The following NFIB variants were observed in gnomAD, a reference collection of about 807,000 sequenced individuals.
NFIB encodes nuclear factor 1 B-type.
In NFIB, 11 loss-of-function variants were observed where a neutral mutation model predicts 61.5. The ratio of observed to expected loss-of-function variants is 0.18; its 90% CI spans 0.11 to 0.30. The LOEUF (loss-of-function observed/expected upper bound fraction) is 0.30, where lower values mean the gene tolerates loss of function less well. NFIB is among the 10% of genes least tolerant of loss of function. The probability of loss-of-function intolerance (pLI) is 1.00; values close to 1 mark genes in which losing one functional copy is unlikely to be tolerated. For missense variants in NFIB, 471 were observed against 608.9 expected, an observed-to-expected ratio of 0.77 and a Z score of 2.38; for synonymous variants, 260 against 216.5, an observed-to-expected ratio of 1.20 and a Z score of -1.76.
At chr9:14,487,762 G>A in the NFIB span, among the ~76,000 whole-genome samples, 3 of 152,220 alleles carry the variant, frequency 2.0e-5, no homozygotes, top group Non-Finnish European at 4.4e-5. Flanking sequence ...CTAATCATTA[G>A]TTCTTGCAAA....
At chr9:14,224,663 G>A (rs533707065) in intron 2 of NFIB, among the ~76,000 whole-genome samples, 5 of 152,232 alleles carry the variant, frequency 3.3e-5, no homozygotes, top group Non-Finnish European at 5.9e-5. Context: ...ATGGGAGGAT[G>A]TGCACAGGTT....
the NFIB span, among the ~76,000 whole-genome samples, chr9:14,467,785 T>C: frequency 6.6e-6 from 1 of 152,244 alleles, no homozygotes; most frequent in Admixed American, 6.5e-5. Flanking sequence ...GTGGAGCCCT[T>C]GCAGGAGGCC....
At chr9:14,233,502 A>G (rs1391910117) in intron 2 of NFIB, among the ~76,000 whole-genome samples, 1 of 140,038 alleles carries the variant, frequency 7.1e-6, no homozygotes, top group Non-Finnish European at 1.5e-5. Flanking sequence ...ATCTCGGCTC[A>G]CTGCAACCTC....
intron 1 of NFIB, among the ~76,000 whole-genome samples, chr9:14,312,230 C>T (rs764499256): frequency 1.2e-4 from 18 of 152,162 alleles, no homozygotes; most frequent in Non-Finnish European, 2.2e-4. Context: ...TTTATGAATG[C>T]CTCAGTCCTT....
intron 2 of NFIB, among the ~76,000 whole-genome samples, chr9:14,297,667 A>G (rs996866721): frequency 6.6e-6 from 1 of 152,248 alleles, no homozygotes; most frequent in South Asian, 2.1e-4. Flanking sequence ...ATCTACACAC[A>G]TGTATAAACA....
intron 2 of NFIB, among the ~76,000 whole-genome samples, chr9:14,215,868 C>T (rs755174750): frequency 2.6e-5 from 4 of 152,168 alleles, no homozygotes; most frequent in Non-Finnish European, 5.9e-5. Context: ...CTCCAAGCTT[C>T]TTTCATCATC....
upstream of NFIB, among the ~76,000 whole-genome samples, chr9:14,316,314 T>C (rs1408299265): frequency 1.3e-5 from 2 of 152,162 alleles, no homozygotes; most frequent in African/African-American, 2.4e-5. Flanking sequence ...GCAGCCCCCG[T>C]AAACCCAGAG....
chr9:14,364,330 G>C (rs1016232642), intron 1 of NFIB, among the ~76,000 whole-genome samples: 2 of 152,196 alleles, frequency 1.3e-5, no homozygotes, highest in African/African-American at 4.8e-5. Context: ...CCAACGAAGA[G>C]ATCAAAAGTC....
the NFIB span, among the ~76,000 whole-genome samples, chr9:14,509,333 A>T: frequency 7.8e-4 from 119 of 152,336 alleles, 1 homozygote; most frequent in Middle Eastern, 6.8e-3. Flanking sequence ...ATCTTTCTCC[A>T]CACACTTTCC....
chr9:14,489,387 G>A, the NFIB span, among the ~76,000 whole-genome samples: 5 of 152,110 alleles, frequency 3.3e-5, no homozygotes, highest in African/African-American at 9.7e-5. Context: ...TCCCTATCAC[G>A]TACCATCTTA....
intron 2 of NFIB, among the ~76,000 whole-genome samples, chr9:14,228,563 G>C (rs929077365): frequency 6.6e-6 from 1 of 152,128 alleles, no homozygotes; most frequent in Admixed American, 6.5e-5. Context: ...CTCCATTTTA[G>C]TGGTCAAAAC....
At chr9:14,168,073 A>C (rs73411973) in intron 3 of NFIB, among the ~76,000 whole-genome samples, 2,407 of 152,358 alleles carry the variant, frequency 0.016, 60 homozygotes, top group African/African-American at 0.053. Context: ...AGGATGTGGT[A>C]TACCTACAGG....
intron 1 of NFIB, among the ~76,000 whole-genome samples, chr9:14,339,696 C>G (rs2060927833): frequency 6.6e-6 from 1 of 152,216 alleles, no homozygotes; most frequent in African/African-American, 2.4e-5. Context: ...ATTTATCCAA[C>G]TGGATAAACT....
At chr9:14,359,099 C>T (rs546826209) in intron 1 of NFIB, among the ~76,000 whole-genome samples, 1 of 152,182 alleles carries the variant, frequency 6.6e-6, no homozygotes, top group Non-Finnish European at 1.5e-5. Flanking sequence ...GTTTACACTA[C>T]AGAACTGGGC....
At chr9:14,419,149 C>A in the NFIB span, among the ~76,000 whole-genome samples, 5 of 151,674 alleles carry the variant, frequency 3.3e-5, no homozygotes, top group East Asian at 9.7e-4. Context: ...TAAAGTGGGA[C>A]TGGGGAGCTC....
chr9:14,214,142 G>C (rs557059252), intron 2 of NFIB, among the ~76,000 whole-genome samples: 35 of 152,044 alleles, frequency 2.3e-4, no homozygotes, highest in Non-Finnish European at 4.9e-4. Flanking sequence ...CTGAAGAAGC[G>C]ACAGAGATAA....
intron 2 of NFIB, among the ~76,000 whole-genome samples, chr9:14,225,162 G>C (rs62532556): frequency 3.3e-5 from 5 of 151,890 alleles, no homozygotes; most frequent in Non-Finnish European, 5.9e-5. Context: ...AGAACAGAAG[G>C]TATTATTTAG....
At chr9:14,192,264 A>G (rs1349609406) in intron 2 of NFIB, among the ~76,000 whole-genome samples, 4 of 152,246 alleles carry the variant, frequency 2.6e-5, no homozygotes, top group African/African-American at 7.2e-5. Context: ...CAAGGCCATG[A>G]CAGAAATGTA....
At chr9:14,175,786 T>TATATC (rs2046122613) in intron 3 of NFIB, among the ~76,000 whole-genome samples, 1 of 152,210 alleles carries the variant, frequency 6.6e-6, no homozygotes, top group Non-Finnish European at 1.5e-5. Flanking sequence ...CCCAAAAGTT[T>TATATC]ATATCATAAA....
Sources: gnomAD v4.1 joint callset for allele counts (sites outside exome capture counted in the v4.1 genomes callset) on GRCh38, gnomAD v4.1.1 for gene constraint, MANE v1.5 for transcripts, NCBI Gene and HGNC (gene_info 2026-07-23, HGNC 2026-07-21) for gene names.